Variants in COL5A2 observed in about 807,000 individuals in gnomAD.
COL5A2 encodes the protein collagen type V alpha 2 chain.
Under a neutral mutation model 208.2 loss-of-function variants are expected in COL5A2, and 23 were observed. The ratio of observed to expected loss-of-function variants is 0.11; its 90% CI spans 0.08 to 0.16. COL5A2 has a LOEUF of 0.16. COL5A2 is among the 10% of genes least tolerant of loss of function. The pLI, the probability that COL5A2 is intolerant of heterozygous loss-of-function variation, is 1.00. For missense variants in COL5A2, 1,590 were observed against 1,956.4 expected (o/e 0.81, Z 3.53); for synonymous variants, 625 against 628.5 (o/e 0.99, Z 0.08).
At chr2:189,261,102 A>G in the COL5A2 span, among the ~76,000 whole-genome samples, 7 of 152,136 alleles carry the variant, frequency 4.6e-5, no homozygotes, top group African/African-American at 1.7e-4. Context: ...ACTTTTCCAT[A>G]AAAAATTACC....
chr2:189,285,676 T>G, the COL5A2 span, among the ~76,000 whole-genome samples: 9 of 152,270 alleles, frequency 5.9e-5, no homozygotes, highest in South Asian at 1.9e-3. Context: ...TCAGGAACAA[T>G]ATCAAAGGCA....
intron 6 of COL5A2, among the ~76,000 whole-genome samples, chr2:189,096,991 T>A (rs1686932462): frequency 6.6e-6 from 1 of 152,200 alleles, no homozygotes; most frequent in Admixed American, 6.5e-5. Context: ...AACTTGGATG[T>A]TTTATCTCAA....
chr2:189,375,562 T>C, the COL5A2 span, among the ~76,000 whole-genome samples: 1,285 of 152,280 alleles, frequency 8.4e-3, 22 homozygotes, highest in African/African-American at 0.029. Context: ...CTTTCAGAGA[T>C]AATGTTATTT....
the COL5A2 span, among the ~76,000 whole-genome samples, chr2:189,382,238 T>C: frequency 1.3e-5 from 2 of 152,058 alleles, no homozygotes; most frequent in African/African-American, 2.4e-5. Flanking sequence ...GAATTCCTCT[T>C]TAAGACAATT....
rs748371109 is a variant in COL5A2, at chr2:189,039,569, T to C, written c.3634-6A>G. The stretch of plus-strand genomic sequence containing the variant: ...CCAGGCTCACCAGGAGGGCCCTAAT[T>C]AAAAAGAGATTGGAAAGACATTTAA... On this transcript the variant is annotated splice_polypyrimidine_tract_variant and splice_region_variant and intron_variant, in intron 50 of 53. Transcript: ENST00000374866. 6.2e-7 allele frequency: 1 copy of C among 1,612,484 alleles called. No individual in the cohort carries two copies.
At chr2:189,405,196 A>G in the COL5A2 span, among the ~76,000 whole-genome samples, 2 of 152,066 alleles carry the variant, frequency 1.3e-5, no homozygotes, top group East Asian at 3.9e-4. Flanking sequence ...CATTAAAAAA[A>G]TAGTGACATT....
At chr2:189,074,603 C>T (rs995274387) in intron 17 of COL5A2, among the ~76,000 whole-genome samples, 11 of 152,164 alleles carry the variant, frequency 7.2e-5, no homozygotes, top group Non-Finnish European at 1.3e-4. Context: ...TATCTAATCA[C>T]GAAATTGAAT....
At chr2:189,076,026 T>C (rs977030161) in intron 16 of COL5A2, among the ~76,000 whole-genome samples, 1 of 152,194 alleles carries the variant, frequency 6.6e-6, no homozygotes, top group Admixed American at 6.5e-5. Context: ...TTGGCCCTTA[T>C]TTGACACAAG....
At chr2:189,400,821 A>C in the COL5A2 span, among the ~76,000 whole-genome samples, 2 of 152,222 alleles carry the variant, frequency 1.3e-5, no homozygotes, top group African/African-American at 4.8e-5. Context: ...TTAATAAAGC[A>C]AACATAAACT....
chr2:189,363,855 T>C, the COL5A2 span, among the ~76,000 whole-genome samples: 2 of 152,158 alleles, frequency 1.3e-5, no homozygotes, highest in African/African-American at 4.8e-5. Flanking sequence ...GCTAGCCTTC[T>C]CATAATAGGA....
chr2:189,075,486 T>C, intron 16 of COL5A2, 49 bp from the exon 17 acceptor site: 4 of 1,452,434 alleles, frequency 2.8e-6, no homozygotes, highest in Non-Finnish European at 3.9e-6. Flanking sequence ...CATTTTAGAC[T>C]ATATTTTCTC....
rs543795779 is a variant in COL5A2, at chr2:189,108,605, T to C, written c.322+1620A>G. 5.9e-5 allele frequency among the ~76,000 whole-genome samples: 9 copies of C among 152,014 alleles called. 1 individual carries two copies. The highest frequency in any genetic ancestry group is 5.9e-4 in the Admixed American group (9 of 15,266). Reference sequence around the variant, plus strand: ...TCTCTGTTAACTCTTTTAGGTCAATTTTTCAGACATGTGGTTGCCATTTCA... The same window carrying C: ...TCTCTGTTAACTCTTTTAGGTCAATCTTTCAGACATGTGGTTGCCATTTCA... On this transcript the variant is annotated intron_variant, in intron 2 of 53. Transcript: ENST00000374866.
chr2:189,115,654 T>C (rs1298795971), intron 1 of COL5A2, among the ~76,000 whole-genome samples: 2 of 152,222 alleles, frequency 1.3e-5, no homozygotes, highest in Non-Finnish European at 2.9e-5. Context: ...AGGTTTGTGC[T>C]GATCATTTTC....
chr2:189,251,713 T>C, the COL5A2 span, among the ~76,000 whole-genome samples: 8 of 149,810 alleles, frequency 5.3e-5, no homozygotes, highest in Admixed American at 5.3e-4. Flanking sequence ...AAGGACTTCA[T>C]GTCTAAAACA....
At chr2:189,208,139 G>A (rs1459111329) in intron 1 of COL5A2, among the ~76,000 whole-genome samples, 1 of 152,100 alleles carries the variant, frequency 6.6e-6, no homozygotes, top group African/African-American at 2.4e-5. Flanking sequence ...AAGTCAACTT[G>A]ACTAAATCCA....
At chr2:189,358,343 T>C in the COL5A2 span, among the ~76,000 whole-genome samples, 3 of 152,224 alleles carry the variant, frequency 2.0e-5, no homozygotes, top group Admixed American at 2.0e-4. Flanking sequence ...TCATGCCTGC[T>C]AACAAAACAT....
At chr2:189,325,131 C>T in the COL5A2 span, among the ~76,000 whole-genome samples, 1 of 150,994 alleles carries the variant, frequency 6.6e-6, no homozygotes, top group African/African-American at 2.4e-5. Flanking sequence ...AACACTTGGA[C>T]ACGGGAAGGG....
In COL5A2 at chr2:189,194,240, C is replaced by A. The variant is rs560555342; in HGVS notation, c.-42+30908G>T. 2.8e-4 allele frequency among the ~76,000 whole-genome samples: 42 copies of A among 152,274 alleles called. 1 individual carries two copies. Among genetic ancestry groups the A allele is most frequent in the African/African-American group, 7.7e-4 (32 of 41,562 alleles). ...CACTATGGTCCAAGCGAGTCCATTTCTCATCTACATTTTTAATATAGCATT... is the reference window on the plus strand; with the variant it reads ...CACTATGGTCCAAGCGAGTCCATTTATCATCTACATTTTTAATATAGCATT... On this transcript the variant is annotated intron_variant, in intron 1 of 10. Transcript: ENST00000649966.
At chr2:189,158,823 C>T (rs1438507325) in intron 1 of COL5A2, among the ~76,000 whole-genome samples, 1 of 152,130 alleles carries the variant, frequency 6.6e-6, no homozygotes, top group Non-Finnish European at 1.5e-5. Context: ...ATTACCAAAA[C>T]TTTAATGTCT....
Sources: allele counts gnomAD v4.1 joint callset (sites outside exome capture counted in the v4.1 genomes callset), GRCh38; gene constraint gnomAD v4.1.1; transcripts MANE v1.5; gene names NCBI Gene and HGNC (gene_info 2026-07-23, HGNC 2026-07-21).